ANK3: variants seen among roughly 807,000 people sequenced by gnomAD.
The protein encoded by ANK3 is ankyrin-3.
Under a neutral mutation model 370.9 loss-of-function variants are expected in ANK3, and 57 were observed. The ratio of observed to expected loss-of-function variants is 0.15; its 90% CI spans 0.12 to 0.19. ANK3 has a LOEUF of 0.19. Among genes scored for constraint, ANK3 ranks in the 10% least tolerant of loss-of-function variants. The pLI is 1.00. For missense variants in ANK3, 4,439 were observed against 5,302.1 expected (o/e 0.84, Z 5.06); for synonymous variants, 1,929 against 1,946.3 (o/e 0.99, Z 0.23).
chr10:60,189,502 G>A (rs185712473), intron 16 of ANK3, among the ~76,000 whole-genome samples: 88 of 152,208 alleles, frequency 5.8e-4, no homozygotes, highest in Non-Finnish European at 1.0e-3. Flanking sequence ...ATAAAGCAAG[G>A]GAAAAGTGAC....
rs2092449127 is a variant in ANK3 at position 60,108,855 on chromosome 10, C to G, written c.3148G>C (p.Gly1050Arg). ...CCTAAAAATTGTGCCCCTGCAGGAC[C>G]CATTTCTACCAGCCTACTGGCTAAT... ...EGLASRLVEM[G>R]PAGAQFLGPV... The change falls in exon 27 of 44, where the codon GGT becomes CGT. Residue 1050 changes from glycine to arginine, a missense_variant. Gly to Arg is a moderately radical substitution (Grantham distance 125). Transcript: ENST00000280772. The G allele has an allele frequency of 6.2e-7, 1 of 1,614,050 alleles. No individual in the cohort carries two copies.
At chr10:60,104,405 G>GAAAAGAAAAGAAAAGAAAAGA (rs748365310) in intron 28 of ANK3, among the ~76,000 whole-genome samples, 17 of 88,226 alleles carry the variant, frequency 1.9e-4, no homozygotes, top group African/African-American at 8.9e-4. Flanking sequence ...AACAAAGAAA[G>GAAAAGAAAAGAAAAGAAAAGA]AAAGAAAAGA....
chr10:60,220,613 A>G (rs1214738298), intron 8 of ANK3, among the ~76,000 whole-genome samples: 1 of 152,222 alleles, frequency 6.6e-6, no homozygotes, highest in African/African-American at 2.4e-5. Flanking sequence ...AACTCTTTCA[A>G]TCAGAAAATC....
intron 1 of ANK3, among the ~76,000 whole-genome samples, chr10:60,691,687 T>C (rs1189236468): frequency 1.3e-5 from 2 of 152,216 alleles, no homozygotes. Context: ...AGGTCAATTA[T>C]ACCTCTTGCA....
chr10:60,226,581 T>C (rs1242927328), intron 8 of ANK3, among the ~76,000 whole-genome samples: 2 of 60,642 alleles, frequency 3.3e-5, no homozygotes, highest in East Asian at 9.3e-4. Context: ...TATGTATATA[T>C]ACTATGTATA....
At chr10:60,720,570 T>C (rs896349440) in intron 1 of ANK3, among the ~76,000 whole-genome samples, 2 of 152,210 alleles carry the variant, frequency 1.3e-5, no homozygotes, top group Non-Finnish European at 2.9e-5. Context: ...CAAAATCTTA[T>C]ATATCTATAT....
chr10:60,092,437 T>G (rs1042265644), intron 28 of ANK3, among the ~76,000 whole-genome samples: 10 of 152,176 alleles, frequency 6.6e-5, no homozygotes, highest in African/African-American at 2.4e-4. Flanking sequence ...ATCTTTTTCA[T>G]TTTACGGATC....
intron 2 of ANK3, among the ~76,000 whole-genome samples, chr10:60,443,426 C>T (rs1034454552): frequency 6.6e-6 from 1 of 152,074 alleles, no homozygotes; most frequent in Non-Finnish European, 1.5e-5. Context: ...CATATTCCTT[C>T]TGGGAGCCTG....
At chr10:60,182,703 G>T (rs1232205033) in intron 17 of ANK3, among the ~76,000 whole-genome samples, 3 of 152,156 alleles carry the variant, frequency 2.0e-5, no homozygotes, top group Admixed American at 6.5e-5. Flanking sequence ...TTATTCAGGG[G>T]TTGCTATTCC....
At chr10:60,267,810 C>T (rs2097903898) in intron 5 of ANK3, among the ~76,000 whole-genome samples, 1 of 152,188 alleles carries the variant, frequency 6.6e-6, no homozygotes, top group Non-Finnish European at 1.5e-5. Flanking sequence ...GCTATGGAAT[C>T]ACTTTCATTA....
rs192587828 is a variant in ANK3, at chr10:60,074,103, C to G, written c.6778G>C (p.Gly2260Arg). ...TRMVYHSPPG[G>R]EGASERIEET... Reference sequence around the variant, plus strand: ...TCAATTCTTTCAGATGCACCTTCACCGCCTGGTGGAGAATGATAAACCATT... The same window carrying G: ...TCAATTCTTTCAGATGCACCTTCACGGCCTGGTGGAGAATGATAAACCATT... Residue 2260 changes from glycine to arginine, a missense_variant, in exon 37 of 44, where the codon GGT becomes CGT. Physicochemically the swap from Gly to Arg is moderately radical, Grantham distance 125. Transcript: ENST00000280772. The G allele has an allele frequency of 1.4e-5, 22 of 1,613,962 alleles. No homozygotes were observed. Among genetic ancestry groups the G allele is most frequent in the Middle Eastern group, 1.7e-4 (1 of 6,054 alleles).
chr10:60,380,127 A>G (rs947586395), intron 1 of ANK3, among the ~76,000 whole-genome samples: 1 of 152,222 alleles, frequency 6.6e-6, no homozygotes, highest in African/African-American at 2.4e-5. Flanking sequence ...CTGTTAAGGT[A>G]GAATACATTT....
At chr10:60,342,213 A>G (rs984083654) in intron 1 of ANK3, among the ~76,000 whole-genome samples, 3 of 152,208 alleles carry the variant, frequency 2.0e-5, no homozygotes, top group Non-Finnish European at 4.4e-5. Context: ...AATATCTCCT[A>G]CACTGCAGTA....
chr10:60,145,787 C>T (rs531754265), intron 23 of ANK3, among the ~76,000 whole-genome samples: 1 of 152,102 alleles, frequency 6.6e-6, no homozygotes, highest in Admixed American at 6.5e-5. Flanking sequence ...ACAAGAAATT[C>T]GTAATCAAAA....
At chr10:60,714,257 C>A (rs2079751203) in intron 1 of ANK3, among the ~76,000 whole-genome samples, 1 of 152,150 alleles carries the variant, frequency 6.6e-6, no homozygotes. Flanking sequence ...TAATTAATAA[C>A]CTTCACAAAT....
intron 2 of ANK3, among the ~76,000 whole-genome samples, chr10:60,523,423 A>G (rs2076397056): frequency 8.8e-6 from 1 of 114,122 alleles, no homozygotes; most frequent in African/African-American, 3.4e-5. Context: ...CCGGAGTGTG[A>G]TGTTCCCCTT....
chr10:60,632,641 A>G (rs2078500134), intron 1 of ANK3, among the ~76,000 whole-genome samples: 1 of 151,994 alleles, frequency 6.6e-6, no homozygotes, highest in Non-Finnish European at 1.5e-5. Flanking sequence ...GGTCCCAGCT[A>G]CTCAAGAAGC....
At chr10:60,342,035 G>T (rs945387869) in intron 1 of ANK3, among the ~76,000 whole-genome samples, 10 of 152,078 alleles carry the variant, frequency 6.6e-5, no homozygotes, top group African/African-American at 1.9e-4. Flanking sequence ...AGGAGAAAAG[G>T]TAGGAAAGTT....
Position 60,196,645 on chromosome 10 carries a change from A to C in ANK3, c.1690-20T>G, listed in dbSNP as rs2132403643. On this transcript the variant is annotated intron_variant, in intron 14 of 43. Coordinates refer to ENST00000280772, the MANE Select transcript of ANK3 (RefSeq NM_020987.5). ...TCCTTTCTGAAAAAAAAAAAACATA[A>C]AAATAATGAACAATAGAAATGACAT... 1 of 1,461,940 alleles carries C rather than the reference A, an allele frequency of 6.8e-7. No homozygotes were observed. The highest frequency in any genetic ancestry group is 1.8e-5 in the Admixed American group (1 of 55,796). 90.6% of individuals were successfully genotyped at this position (1,461,940 alleles called of 1,614,324 possible).
Sources: gnomAD v4.1 joint callset for allele counts (sites outside exome capture counted in the v4.1 genomes callset) on GRCh38, gnomAD v4.1.1 for gene constraint, MANE v1.5 for transcripts, NCBI Gene and HGNC (gene_info 2026-07-23, HGNC 2026-07-21) for gene names.